SPOCK1: variants seen among roughly 807,000 people sequenced by gnomAD.
The protein encoded by SPOCK1 is SPARC (osteonectin), cwcv and kazal like domains proteoglycan 1.
A neutral mutation model predicts 55.3 loss-of-function variants in SPOCK1; 23 were observed. That is an observed-to-expected ratio of 0.42 (90% CI 0.30 to 0.59). The LOEUF (loss-of-function observed/expected upper bound fraction) is 0.59. Ranked by LOEUF, SPOCK1 falls within the 20% of genes least tolerant of loss-of-function variation. The pLI, the probability that SPOCK1 is intolerant of heterozygous loss-of-function variation, is 0.22. For missense variants in SPOCK1, 499 were observed against 552.5 expected, an observed-to-expected ratio of 0.90 and a Z score of 0.97; for synonymous variants, 226 against 221.0, an observed-to-expected ratio of 1.02 and a Z score of -0.20.
chr5:137,074,843 T>C (rs1056740022), intron 5 of SPOCK1, among the ~76,000 whole-genome samples: 32 of 152,156 alleles, frequency 2.1e-4, no homozygotes, highest in South Asian at 4.1e-4. Context: ...TAGCTGGGAC[T>C]ACAGGCACCC....
intron 3 of SPOCK1, among the ~76,000 whole-genome samples, chr5:137,150,182 T>A (rs1170326710): frequency 6.6e-6 from 1 of 152,138 alleles, no homozygotes; most frequent in South Asian, 2.1e-4. Context: ...AGAAGAAACA[T>A]TAAAGCTTTT....
At chr5:137,378,745 C>A (rs1384032566) in intron 2 of SPOCK1, among the ~76,000 whole-genome samples, 1 of 152,208 alleles carries the variant, frequency 6.6e-6, no homozygotes, top group Non-Finnish European at 1.5e-5. Context: ...GAGGCAAAGG[C>A]TGTTTTATAT....
At chr5:137,026,708 A>C (rs1304591603) in intron 6 of SPOCK1, among the ~76,000 whole-genome samples, 1 of 152,210 alleles carries the variant, frequency 6.6e-6, no homozygotes, top group Non-Finnish European at 1.5e-5. Flanking sequence ...AATATCCAGA[A>C]GAATCCAACC....
At chr5:137,064,159 A>G (rs927194595) in intron 6 of SPOCK1, among the ~76,000 whole-genome samples, 11 of 152,042 alleles carry the variant, frequency 7.2e-5, no homozygotes, top group Non-Finnish European at 1.2e-4. Flanking sequence ...ATCCAAGGGG[A>G]TGGATCCCAA....
At chr5:137,093,532 G>A (rs1010262917) in intron 5 of SPOCK1, among the ~76,000 whole-genome samples, 7 of 152,204 alleles carry the variant, frequency 4.6e-5, no homozygotes, top group African/African-American at 1.7e-4. Flanking sequence ...TGAGTAGCAA[G>A]TGAAATAAGA....
At chr5:137,475,873 C>T (rs4256339) in intron 2 of SPOCK1, among the ~76,000 whole-genome samples, 125 of 152,154 alleles carry the variant, frequency 8.2e-4, no homozygotes, top group Non-Finnish European at 1.5e-3. Context: ...CAAACTCGGC[C>T]TAAAGGGTAT....
At chr5:137,101,532 T>C (rs889219424) in intron 5 of SPOCK1, among the ~76,000 whole-genome samples, 23 of 152,236 alleles carry the variant, frequency 1.5e-4, no homozygotes, top group Admixed American at 1.4e-3. Context: ...TCTTCAAATC[T>C]TGGTTAAATG....
At chr5:137,359,093 A>G (rs1308414052) in intron 2 of SPOCK1, among the ~76,000 whole-genome samples, 2 of 152,244 alleles carry the variant, frequency 1.3e-5, no homozygotes. Context: ...TAAGACCTAT[A>G]TTAGGAGCAA....
chr5:137,143,402 G>A (rs757452408), intron 3 of SPOCK1, among the ~76,000 whole-genome samples: 22 of 152,192 alleles, frequency 1.4e-4, no homozygotes, highest in Non-Finnish European at 1.6e-4. Context: ...TGAATCAGCT[G>A]AGCAGATCCG....
intron 2 of SPOCK1, among the ~76,000 whole-genome samples, chr5:137,364,674 T>C (rs1388130450): frequency 6.6e-6 from 1 of 152,166 alleles, no homozygotes; most frequent in African/African-American, 2.4e-5. Flanking sequence ...AATCTGAACC[T>C]GCCCCCCCGA....
At chr5:137,486,358 G>A (rs908435534) in intron 2 of SPOCK1, among the ~76,000 whole-genome samples, 1 of 152,198 alleles carries the variant, frequency 6.6e-6, no homozygotes, top group Admixed American at 6.5e-5. Context: ...AGCCCAGCTC[G>A]CCAGAACTGC....
At chr5:137,431,515 C>G (rs1752742955) in intron 2 of SPOCK1, among the ~76,000 whole-genome samples, 1 of 152,186 alleles carries the variant, frequency 6.6e-6, no homozygotes, top group Admixed American at 6.5e-5. Flanking sequence ...AAACTCATGT[C>G]TAAATTTGAT....
Position 136,977,658 on chromosome 5 carries a change from A to G in SPOCK1, c.*996T>C. Reference sequence around the variant, plus strand: ...TGCAGCCAAGGGGCTTCAAGCAGAAATGAAAGAGATGGCTTGTGAAGCTGC... The same window carrying G: ...TGCAGCCAAGGGGCTTCAAGCAGAAGTGAAAGAGATGGCTTGTGAAGCTGC... On this transcript the variant is annotated 3_prime_UTR_variant, in exon 11 of 11. Coordinates refer to ENST00000394945, the MANE Select transcript of SPOCK1 (RefSeq NM_004598.4). 1 of 396,886 alleles carries G rather than the reference A, an allele frequency of 2.5e-6. No homozygotes were observed. The highest frequency in any genetic ancestry group is 4.4e-6 in the Non-Finnish European group (1 of 225,198). The allele number at this position is 396,886 out of a possible 1,614,324, so 24.6% of individuals were successfully genotyped here.
chr5:137,083,856 A>G (rs1473310467), intron 5 of SPOCK1, among the ~76,000 whole-genome samples: 1 of 151,914 alleles, frequency 6.6e-6, no homozygotes, highest in Non-Finnish European at 1.5e-5. Flanking sequence ...GGAGTGAGCT[A>G]CAATGCAGTA....
At chr5:137,309,665 C>A (rs895130115) in intron 2 of SPOCK1, among the ~76,000 whole-genome samples, 1 of 152,108 alleles carries the variant, frequency 6.6e-6, no homozygotes, top group Non-Finnish European at 1.5e-5. Context: ...CAAAAATGAG[C>A]CCAAATCCTG....
intron 3 of SPOCK1, among the ~76,000 whole-genome samples, chr5:137,189,937 A>T (rs2117403): frequency 0.85 from 128,732 of 151,096 alleles, 54,937 homozygotes; most frequent in African/African-American, 0.88. Context: ...AAGACTTCAT[A>T]ATAGGAAGTA....
intron 2 of SPOCK1, among the ~76,000 whole-genome samples, chr5:137,322,904 T>C (rs1200502995): frequency 5.3e-5 from 8 of 152,190 alleles, no homozygotes; most frequent in Admixed American, 1.3e-4. Flanking sequence ...GTAAGGACCT[T>C]CTTGCTATGT....
intron 2 of SPOCK1, among the ~76,000 whole-genome samples, chr5:137,443,715 T>A (rs1177551673): frequency 6.6e-6 from 1 of 152,226 alleles, no homozygotes; most frequent in East Asian, 1.9e-4. Flanking sequence ...GGCTGTGGTC[T>A]GTACCTCCTT....
At chr5:137,090,184 A>G (rs951510280) in intron 5 of SPOCK1, among the ~76,000 whole-genome samples, 2 of 152,256 alleles carry the variant, frequency 1.3e-5, no homozygotes, top group African/African-American at 2.4e-5. Flanking sequence ...TTGTATTTCA[A>G]TGAAGAAGGG....
Sources: allele counts gnomAD v4.1 joint callset (sites outside exome capture counted in the v4.1 genomes callset), GRCh38; gene constraint gnomAD v4.1.1; transcripts MANE v1.5; gene names NCBI Gene and HGNC (gene_info 2026-07-23, HGNC 2026-07-21).